Variants in RABEP1 observed in about 807,000 individuals in gnomAD.
RABEP1 encodes rabaptin, RAB GTPase binding effector protein 1.
RABEP1 carries 51 observed loss-of-function variants against 123.4 expected under a neutral mutation model. The ratio of observed to expected loss-of-function variants is 0.41; its 90% CI spans 0.33 to 0.52. The LOEUF is 0.52. Among genes scored for constraint, RABEP1 ranks in the 20% least tolerant of loss-of-function variants. The probability of loss-of-function intolerance (pLI) is 0.16; values close to 1 mark genes in which losing one functional copy is unlikely to be tolerated. For synonymous variants in RABEP1, 347 were observed against 355.2 expected, an observed-to-expected ratio of 0.98 and a Z score of 0.26; for missense variants, 888 against 996.3, an observed-to-expected ratio of 0.89 and a Z score of 1.46.
chr17:5,335,084 A>AT (rs1906935354), intron 3 of RABEP1, 100 bp from the exon 4 acceptor site: 2 of 985,756 alleles, frequency 2.0e-6, no homozygotes. Flanking sequence ...TTTTCCAGAA[A>AT]TTAGACGTAA....
chr17:5,329,946 G>A (rs1008013256), intron 2 of RABEP1, among the ~76,000 whole-genome samples: 7 of 151,632 alleles, frequency 4.6e-5, no homozygotes, highest in African/African-American at 1.7e-4. Context: ...CAGTTTTTCT[G>A]TTCATAATGA....
chr17:5,324,013 TC>T (rs931407012), intron 2 of RABEP1, among the ~76,000 whole-genome samples: 3 of 151,748 alleles, frequency 2.0e-5, no homozygotes, highest in African/African-American at 7.3e-5. Flanking sequence ...GACAATACTA[TC>T]CAAAGCAATT....
At chr17:5,358,459 C>T (rs186843649) in intron 8 of RABEP1, among the ~76,000 whole-genome samples, 180 of 152,086 alleles carry the variant, frequency 1.2e-3, no homozygotes, top group African/African-American at 3.9e-3. Context: ...TCATTCGAGG[C>T]CAGGAGTTTG....
At chr17:5,376,177 C>T (rs954562177) in intron 13 of RABEP1, among the ~76,000 whole-genome samples, 2 of 152,096 alleles carry the variant, frequency 1.3e-5, no homozygotes, top group Non-Finnish European at 2.9e-5. Flanking sequence ...GAATCCAGGC[C>T]GGGCACAGTG....
At chr17:5,307,349 A>G (rs955495200) in intron 1 of RABEP1, among the ~76,000 whole-genome samples, 14 of 152,320 alleles carry the variant, frequency 9.2e-5, no homozygotes, top group African/African-American at 2.9e-4. Context: ...ATGAGCCATA[A>G]TTCTGTTACT....
At chr17:5,334,871 C>T (rs985989733) in intron 3 of RABEP1, among the ~76,000 whole-genome samples, 2 of 152,030 alleles carry the variant, frequency 1.3e-5, no homozygotes, top group African/African-American at 4.8e-5. Flanking sequence ...TTGGAGTTGG[C>T]CTTAAGTTCG....
intron 2 of RABEP1, among the ~76,000 whole-genome samples, chr17:5,322,479 A>C (rs1382532160): frequency 1.3e-5 from 2 of 152,200 alleles, no homozygotes; most frequent in Non-Finnish European, 1.5e-5. Context: ...TTCCAAGTAC[A>C]TATAAAACAA....
chr17:5,317,008 G>C (rs1407751877), intron 2 of RABEP1, among the ~76,000 whole-genome samples: 5 of 151,836 alleles, frequency 3.3e-5, no homozygotes, highest in Non-Finnish European at 7.4e-5. Context: ...AGGTTCAGTC[G>C]ATTCTCCTGC....
rs764783202 is a variant in RABEP1 at position 5,368,403 on chromosome 17, G to A, written c.1819G>A (p.Glu607Lys). The change falls in exon 12 of 18, where the codon GAG becomes AAG. Residue 607 changes from glutamate to lysine, a missense_variant. By Grantham distance (56) the Glu-to-Lys change is moderately conservative. Coordinates refer to ENST00000537505, the MANE Select transcript of RABEP1 (RefSeq NM_004703.6). ...SALVLRAQAS[E>K]ILLEELQQGL... The stretch of plus-strand genomic sequence containing the variant: ...ACTCGTCCTAAGAGCCCAGGCCTCC[G>A]AGATCTTACTTGAAGAGTTACAGCA... 1.2e-5 allele frequency: 20 copies of A among 1,613,450 alleles called. No individual in the cohort carries two copies. Among genetic ancestry groups the A allele is most frequent in the Middle Eastern group, 1.6e-4 (1 of 6,082 alleles).
At chr17:5,312,155 A>G (rs187688953) in intron 2 of RABEP1, among the ~76,000 whole-genome samples, 1 of 152,248 alleles carries the variant, frequency 6.6e-6, no homozygotes, top group East Asian at 1.9e-4. Context: ...AATTTTAGTT[A>G]TCCCTCTGTG....
chr17:5,385,120 A>T lies in RABEP1; in HGVS notation c.*1897A>T, dbSNP rs1597308857. Reference sequence around the variant, plus strand: ...ATGGTTAGTGGTCTCTACTGTGGCAAATGCCAACTGTTGGAATTCACTTTA... The same window carrying T: ...ATGGTTAGTGGTCTCTACTGTGGCATATGCCAACTGTTGGAATTCACTTTA... On this transcript the variant is annotated 3_prime_UTR_variant, in exon 18 of 18. Coordinates refer to ENST00000537505, the MANE Select transcript of RABEP1 (RefSeq NM_004703.6). 4.4e-6 allele frequency: 1 copy of T among 229,596 alleles called. No individual in the cohort carries two copies. Among genetic ancestry groups the T allele is most frequent in the Middle Eastern group, 1.3e-3 (1 of 772 alleles). 14.2% of individuals were successfully genotyped at this position (229,596 alleles called of 1,614,324 possible). A position where few individuals can be genotyped will look rare whatever the true frequency, so the allele number is the denominator to read the frequency against.
At chr17:5,316,789 C>G (rs1370276905) in intron 2 of RABEP1, among the ~76,000 whole-genome samples, 5 of 130,980 alleles carry the variant, frequency 3.8e-5, no homozygotes, top group African/African-American at 5.8e-5. Flanking sequence ...ACTGAGATCG[C>G]GCTACTGCAC....
chr17:5,326,425 A>C (rs1346947702), intron 2 of RABEP1, among the ~76,000 whole-genome samples: 2 of 152,238 alleles, frequency 1.3e-5, no homozygotes, highest in African/African-American at 2.4e-5. Context: ...AGCATATGAC[A>C]TTCTAGAAGA....
chr17:5,306,152 C>T (rs2144513371), intron 1 of RABEP1, among the ~76,000 whole-genome samples: 1 of 152,274 alleles, frequency 6.6e-6, no homozygotes, highest in South Asian at 2.1e-4. Flanking sequence ...CATAGCTTAG[C>T]CTAGCTACCT....
At chr17:5,366,004 G>A (rs1013849656) in intron 11 of RABEP1, among the ~76,000 whole-genome samples, 2 of 152,160 alleles carry the variant, frequency 1.3e-5, no homozygotes, top group African/African-American at 4.8e-5. Context: ...TGGTGGACAT[G>A]TTTCTGCAGG....
chr17:5,331,657 T>G (rs1251705215), intron 2 of RABEP1, among the ~76,000 whole-genome samples: 5 of 152,172 alleles, frequency 3.3e-5, no homozygotes, highest in African/African-American at 1.2e-4. Context: ...TTAACTTCCA[T>G]TTTGCAGATG....
intron 1 of RABEP1, among the ~76,000 whole-genome samples, chr17:5,287,135 G>A (rs116901662): frequency 2.0e-5 from 3 of 152,174 alleles, no homozygotes; most frequent in African/African-American, 4.8e-5. Flanking sequence ...GAGAGGTAAC[G>A]AGGTGGAGGC....
chr17:5,319,262 G>A (rs1159036670), intron 2 of RABEP1, among the ~76,000 whole-genome samples: 3 of 141,274 alleles, frequency 2.1e-5, no homozygotes, highest in African/African-American at 7.8e-5. Context: ...CCCAGAGGCA[G>A]AGATTGCAGT....
chr17:5,316,449 C>CAAAAAAAAA (rs386385498), intron 2 of RABEP1, among the ~76,000 whole-genome samples: 2 of 28,584 alleles, frequency 7.0e-5, no homozygotes, highest in African/African-American at 1.3e-4. Flanking sequence ...GACTCTGTCT[C>CAAAAAAAAA]AAAAAAAAAA....
Sources: gnomAD v4.1 joint callset for allele counts (sites outside exome capture counted in the v4.1 genomes callset) on GRCh38, gnomAD v4.1.1 for gene constraint, MANE v1.5 for transcripts, NCBI Gene and HGNC (gene_info 2026-07-23, HGNC 2026-07-21) for gene names.